The following MYO9A variants were observed in gnomAD, a reference collection of about 807,000 sequenced individuals.
The protein encoded by MYO9A is myosin IXA.
In MYO9A, 103 loss-of-function variants were observed where a neutral mutation model predicts 293.3. The ratio of observed to expected loss-of-function variants is 0.35; its 90% CI spans 0.30 to 0.41. MYO9A has a LOEUF of 0.41. MYO9A is among the 10% of genes least tolerant of loss of function. The pLI is 1.00. For synonymous variants in MYO9A, 1,001 were observed against 1,035.7 expected (o/e 0.97, Z 0.64); for missense variants, 2,685 against 3,033.0 (o/e 0.89, Z 2.69).
At chr15:72,024,221 G>A (rs978813223) in intron 4 of MYO9A, among the ~76,000 whole-genome samples, 4 of 152,118 alleles carry the variant, frequency 2.6e-5, no homozygotes, top group African/African-American at 9.7e-5. Flanking sequence ...TAAACATGAA[G>A]AAATAAAGAA....
At position 71,826,899 on chromosome 15, in the gene MYO9A, G is replaced by A; in HGVS notation, c.7328C>T (p.Ser2443Leu). Residue 2443 changes from serine (S) to leucine (L), a missense_variant, in exon 42 of 42, where the codon TCA becomes TTA. Transcript: ENST00000356056. ...VSSLCLSNTA[S>L]SHGTRKLFQI... ...AAATAGTTTTCTGGTCCCATGAGAT[G>A]ATGCCGTGTTAGACAGACATAAAGA... is the stretch of plus-strand genomic sequence containing the variant. 1 of 1,614,122 alleles carries A rather than the reference G, an allele frequency of 6.2e-7. No homozygotes were observed. The highest frequency in any genetic ancestry group is 8.5e-7 in the Non-Finnish European group (1 of 1,179,974).
intron 6 of MYO9A, among the ~76,000 whole-genome samples, chr15:72,015,069 G>C (rs1269504183): frequency 6.8e-6 from 1 of 147,638 alleles, no homozygotes; most frequent in African/African-American, 2.5e-5. Flanking sequence ...GGCTGGTCTC[G>C]AACTCCTGAC....
At chr15:72,091,144 A>G (rs530579883) in intron 1 of MYO9A, among the ~76,000 whole-genome samples, 2 of 152,072 alleles carry the variant, frequency 1.3e-5, no homozygotes, top group African/African-American at 2.4e-5. Flanking sequence ...GGCTGCAGTA[A>G]GCTATGACTT....
chr15:72,021,295 G>A (rs1333024842), intron 4 of MYO9A, among the ~76,000 whole-genome samples: 1 of 152,186 alleles, frequency 6.6e-6, no homozygotes, highest in African/African-American at 2.4e-5. Flanking sequence ...TGGCAAATCT[G>A]TCATAATTAA....
chr15:72,070,242 G>A (rs796190843), intron 1 of MYO9A, among the ~76,000 whole-genome samples: 32 of 151,256 alleles, frequency 2.1e-4, no homozygotes, highest in African/African-American at 7.8e-4. Context: ...ACGAGTTCGA[G>A]ACCAGCCTGG....
intron 32 of MYO9A, among the ~76,000 whole-genome samples, chr15:71,874,739 G>C (rs1444209829): frequency 6.6e-6 from 1 of 152,146 alleles, no homozygotes; most frequent in African/African-American, 2.4e-5. Context: ...TTTGAAGGTA[G>C]AGTCTTGATC....
intron 12 of MYO9A, among the ~76,000 whole-genome samples, chr15:71,973,341 AT>A (rs1237503523): frequency 6.6e-6 from 1 of 152,184 alleles, no homozygotes; most frequent in Non-Finnish European, 1.5e-5. Flanking sequence ...GAATAGTTCC[AT>A]TTTGTAGATT....
intron 11 of MYO9A, among the ~76,000 whole-genome samples, chr15:71,990,295 G>A (rs1303563356): frequency 6.6e-6 from 1 of 151,804 alleles, no homozygotes; most frequent in Non-Finnish European, 1.5e-5. Flanking sequence ...ATGCTGCCCA[G>A]GCTGGTCTCT....
chr15:71,978,430 A>C, intron 11 of MYO9A, 138 bp from the exon 12 acceptor site: 1 of 665,280 alleles, frequency 1.5e-6, no homozygotes, highest in Non-Finnish European at 2.3e-6. Context: ...AAGAATGTAT[A>C]ATTTCAGTTG....
At chr15:71,992,472 TAA>T (rs1217987458) in intron 10 of MYO9A, among the ~76,000 whole-genome samples, 2 of 152,212 alleles carry the variant, frequency 1.3e-5, no homozygotes, top group Non-Finnish European at 2.9e-5. Context: ...AAGCCTGTAC[TAA>T]GAGTATTTTG....
Position 71,903,030 on chromosome 15 carries a change from G to A in MYO9A, c.2911C>T (p.Arg971Ter), listed in dbSNP as rs374172306. The change falls in exon 22 of 42, where the codon CGA becomes TGA. Residue 971 changes from arginine to a stop codon, truncating the protein, a stop_gained. Coordinates refer to ENST00000356056, the MANE Select transcript of MYO9A (RefSeq NM_006901.4). LOFTEE classifies it high-confidence loss of function. Reference sequence around the variant, plus strand: ...TTAAATTTGGATGGAATAATATTTCGGGGAAGAAGTACATGGAAGTGGCTC... The same window carrying A: ...TTAAATTTGGATGGAATAATATTTCAGGGAAGAAGTACATGGAAGTGGCTC... ...FVSHFHVLLP[R>*]NIIPSKFNIQ... The A allele has an allele frequency of 2.5e-6, 4 of 1,592,146 alleles. No individual in the cohort carries two copies. The highest frequency in any genetic ancestry group is 1.1e-5 in the South Asian group (1 of 87,872).
chr15:71,930,867 C>T (rs921024441), intron 18 of MYO9A, among the ~76,000 whole-genome samples: 1 of 152,142 alleles, frequency 6.6e-6, no homozygotes, highest in African/African-American at 2.4e-5. Flanking sequence ...AAGGTGGTCA[C>T]CTTGAGGCTT....
At chr15:72,110,327 T>C (rs2080733415) in intron 1 of MYO9A, among the ~76,000 whole-genome samples, 1 of 150,732 alleles carries the variant, frequency 6.6e-6, no homozygotes, top group South Asian at 2.1e-4. Context: ...TCCCAGCTAC[T>C]TGGGAGGCTG....
At chr15:71,975,675 C>A (rs28475439) in intron 12 of MYO9A, among the ~76,000 whole-genome samples, 4 of 152,050 alleles carry the variant, frequency 2.6e-5, no homozygotes, top group Admixed American at 2.6e-4. Context: ...CAGAAAGGGT[C>A]CTGCCCCATA....
At chr15:71,855,231 G>A (rs563630082) in intron 34 of MYO9A, among the ~76,000 whole-genome samples, 2 of 152,156 alleles carry the variant, frequency 1.3e-5, no homozygotes, top group East Asian at 3.8e-4. Context: ...CACCTCCCAG[G>A]TTCAAGCGAT....
chr15:71,894,867 T>C (rs969103828), intron 25 of MYO9A, among the ~76,000 whole-genome samples: 1 of 152,194 alleles, frequency 6.6e-6, no homozygotes, highest in Admixed American at 6.5e-5. Flanking sequence ...CAACAACATA[T>C]TGATAATCTC....
At chr15:71,924,962 C>T (rs765052301) in intron 18 of MYO9A, among the ~76,000 whole-genome samples, 70 of 151,824 alleles carry the variant, frequency 4.6e-4, no homozygotes, top group Non-Finnish European at 7.9e-4. Flanking sequence ...GTGTATTCTA[C>T]AACTGCTGGG....
At chr15:71,980,333 C>T (rs1236618694) in intron 11 of MYO9A, among the ~76,000 whole-genome samples, 1 of 152,190 alleles carries the variant, frequency 6.6e-6, no homozygotes, top group Non-Finnish European at 1.5e-5. Flanking sequence ...TGGCAATTTA[C>T]ATACCCACCC....
At chr15:71,999,761 T>G in intron 9 of MYO9A, 90 bp downstream of exon 9, 1 of 961,320 alleles carries the variant, frequency 1.0e-6, no homozygotes, top group Non-Finnish European at 1.5e-6. Context: ...GCCATTGTCA[T>G]TTTCATGCTG....
Sources: allele counts gnomAD v4.1 joint callset (sites outside exome capture counted in the v4.1 genomes callset), GRCh38; gene constraint gnomAD v4.1.1; transcripts MANE v1.5; gene names NCBI Gene and HGNC (gene_info 2026-07-23, HGNC 2026-07-21).